Variants in MYO16 observed in about 807,000 individuals in gnomAD.
The protein encoded by MYO16 is unconventional myosin-XVI.
A neutral mutation model predicts 205.3 loss-of-function variants in MYO16; 94 were observed. The observed-to-expected ratio is 0.46, with a 90% CI of 0.39 to 0.54. The LOEUF (loss-of-function observed/expected upper bound fraction) is 0.54. Among genes scored for constraint, MYO16 ranks in the 20% least tolerant of loss-of-function variants. MYO16 has a pLI of 0.00. For missense variants in MYO16, 2,315 were observed against 2,387.5 expected (o/e 0.97, Z 0.63); for synonymous variants, 988 against 954.0 (o/e 1.04, Z -0.66).
At chr13:109,078,820 C>T (rs1888195957) in intron 27 of MYO16, among the ~76,000 whole-genome samples, 1 of 152,114 alleles carries the variant, frequency 6.6e-6, no homozygotes, top group Non-Finnish European at 1.5e-5. Context: ...TACGCAGTGC[C>T]CATGAATTAC....
At chr13:108,756,336 T>C (rs1234423661) in intron 4 of MYO16, among the ~76,000 whole-genome samples, 1 of 152,150 alleles carries the variant, frequency 6.6e-6, no homozygotes, top group Non-Finnish European at 1.5e-5. Flanking sequence ...AATGTCAACA[T>C]TGCAGCATTT....
chr13:108,595,808 G>T (rs975915690), upstream of MYO16, among the ~76,000 whole-genome samples: 2 of 150,836 alleles, frequency 1.3e-5, no homozygotes, highest in Admixed American at 1.3e-4. Context: ...CATTGTGGTG[G>T]CTACTTTGAG....
chr13:109,141,248 C>G lies in MYO16; in HGVS notation c.5036C>G (p.Pro1679Arg). The change falls in exon 32 of 35, where the codon CCC (proline) becomes CGC (arginine). Residue 1679 changes from proline (P) to arginine (R), a missense_variant. Physicochemically the swap from Pro to Arg is moderately radical, Grantham distance 103. Transcript: ENST00000457511. The surrounding 1 kb of genome is among the most constrained non-coding windows in gnomAD (Gnocchi z 4.1). Reference protein sequence around the residue: ...ARKAGSSASPPAPYSPPSSRP... With the variant: ...ARKAGSSASPRAPYSPPSSRP... ...AAGGCCGGCTCCAGTGCCTCGCCCC[C>G]CGCGCCCTACAGCCCTCCCAGCTCC... 6.2e-7 allele frequency: 1 copy of G among 1,606,274 alleles called. No homozygotes were observed. The highest frequency in any genetic ancestry group is 8.5e-7 in the Non-Finnish European group (1 of 1,176,454).
At chr13:108,848,606 GCCC>G (rs1454790064) in intron 10 of MYO16, among the ~76,000 whole-genome samples, 1 of 152,044 alleles carries the variant, frequency 6.6e-6, no homozygotes, top group African/African-American at 2.4e-5. Context: ...TTCAAGACCA[GCCC>G]GGCAACATAG....
chr13:109,012,811 A>G (rs2139492053), intron 22 of MYO16, among the ~76,000 whole-genome samples: 1 of 150,250 alleles, frequency 6.7e-6, no homozygotes, highest in South Asian at 2.1e-4. Context: ...ATATGATTTT[A>G]GTTTTATTGT....
upstream of MYO16, among the ~76,000 whole-genome samples, chr13:108,591,557 C>T (rs1878399668): frequency 6.6e-6 from 1 of 151,952 alleles, no homozygotes; most frequent in South Asian, 2.1e-4. Context: ...CAGTCAATGG[C>T]TTTTCATAAT....
At chr13:108,574,375 A>C in the MYO16 span, among the ~76,000 whole-genome samples, 1 of 152,196 alleles carries the variant, frequency 6.6e-6, no homozygotes, top group Non-Finnish European at 1.5e-5. Context: ...TTCTAGTTGC[A>C]AGAGACAAGC....
intron 2 of MYO16, among the ~76,000 whole-genome samples, chr13:108,670,405 G>T (rs1442148541): frequency 6.6e-6 from 1 of 152,180 alleles, no homozygotes; most frequent in Non-Finnish European, 1.5e-5. Flanking sequence ...AGTACAGAGA[G>T]AACTGAGAAC....
intron 22 of MYO16, among the ~76,000 whole-genome samples, chr13:109,013,478 C>A (rs1885689977): frequency 6.6e-6 from 1 of 152,084 alleles, no homozygotes; most frequent in South Asian, 2.1e-4. Context: ...TGGGTATATA[C>A]CCAGTAATGG....
chr13:108,661,285 T>A (rs1400514524), intron 1 of MYO16, among the ~76,000 whole-genome samples: 3 of 152,140 alleles, frequency 2.0e-5, no homozygotes, highest in Admixed American at 1.3e-4. Context: ...TGTGATGAAT[T>A]TCCCAGGTGC....
chr13:108,680,540 C>T (rs532997568), intron 2 of MYO16, among the ~76,000 whole-genome samples: 2 of 152,260 alleles, frequency 1.3e-5, no homozygotes, highest in East Asian at 3.9e-4. Context: ...TAAAAATCAT[C>T]CACATAGAGA....
At chr13:109,110,952 G>A (rs143288846) in intron 28 of MYO16, among the ~76,000 whole-genome samples, 5 of 152,130 alleles carry the variant, frequency 3.3e-5, no homozygotes, top group South Asian at 2.1e-4. Flanking sequence ...TTTGATTTAC[G>A]AATGGATACA....
At chr13:108,605,695 C>A (rs1369474275) in intron 1 of MYO16, among the ~76,000 whole-genome samples, 1 of 152,116 alleles carries the variant, frequency 6.6e-6, no homozygotes, top group East Asian at 1.9e-4. Context: ...AATTAAACCT[C>A]TTTCCTTTAT....
intron 4 of MYO16, among the ~76,000 whole-genome samples, chr13:108,739,555 T>A (rs980418512): frequency 1.3e-5 from 2 of 152,216 alleles, no homozygotes; most frequent in African/African-American, 4.8e-5. Context: ...CCTTTCTCTC[T>A]GGCTGCCCTT....
At chr13:108,652,006 T>C (rs975010041) in intron 1 of MYO16, among the ~76,000 whole-genome samples, 4 of 152,180 alleles carry the variant, frequency 2.6e-5, no homozygotes, top group Non-Finnish European at 5.9e-5. Context: ...ACTCTTGTCT[T>C]TGAGAATCCA....
chr13:108,554,798 T>C, the MYO16 span, among the ~76,000 whole-genome samples: 7 of 134,506 alleles, frequency 5.2e-5, no homozygotes, highest in East Asian at 8.7e-4. Flanking sequence ...TGCAGTGAGC[T>C]GAGATCGAGC....
intron 1 of MYO16, among the ~76,000 whole-genome samples, chr13:108,659,687 C>T (rs921188940): frequency 1.3e-5 from 2 of 152,126 alleles, no homozygotes; most frequent in Non-Finnish European, 2.9e-5. Flanking sequence ...ATGTTAAGTG[C>T]TGGATTAGGT....
chr13:108,544,965 A>G, the MYO16 span, among the ~76,000 whole-genome samples: 1 of 151,288 alleles, frequency 6.6e-6, no homozygotes, highest in African/African-American at 2.4e-5. Flanking sequence ...ATAGTACTCC[A>G]TTGTGTATAA....
chr13:109,156,387 T>C (rs1486709875), intron 32 of MYO16, among the ~76,000 whole-genome samples: 4 of 152,230 alleles, frequency 2.6e-5, no homozygotes, highest in African/African-American at 9.6e-5. Context: ...CAATAGCCTT[T>C]CTGAAGAGGA....
Sources: allele counts gnomAD v4.1 joint callset (sites outside exome capture counted in the v4.1 genomes callset), GRCh38; gene constraint gnomAD v4.1.1; non-coding constraint Gnocchi (gnomAD v3.1); transcripts MANE v1.5; gene names NCBI Gene and HGNC (gene_info 2026-07-23, HGNC 2026-07-21).